The following EPHB2 variants were observed in gnomAD, a reference collection of about 807,000 sequenced individuals.
The protein encoded by EPHB2 is ephrin type-B receptor 2.
EPHB2 carries 18 observed loss-of-function variants against 96.4 expected under a neutral mutation model. The observed-to-expected ratio is 0.19, with a 90% CI of 0.13 to 0.28. The LOEUF (loss-of-function observed/expected upper bound fraction) is 0.28, where lower values mean the gene tolerates loss of function less well. EPHB2 is among the 10% of genes least tolerant of loss of function. EPHB2 has a pLI of 1.00. For missense variants in EPHB2, 989 were observed against 1,355.4 expected (o/e 0.73, Z 4.25); for synonymous variants, 506 against 534.1 (o/e 0.95, Z 0.72).
At chr1:22,899,869 T>C (rs1199339566) in intron 9 of EPHB2, among the ~76,000 whole-genome samples, 1 of 151,950 alleles carries the variant, frequency 6.6e-6, no homozygotes, top group Non-Finnish European at 1.5e-5. Flanking sequence ...GGCACACACC[T>C]GTAGTCCCAA....
intron 3 of EPHB2, among the ~76,000 whole-genome samples, chr1:22,849,318 C>A (rs189861012): frequency 1.3e-5 from 2 of 152,280 alleles, no homozygotes; most frequent in East Asian, 3.9e-4. Flanking sequence ...CAGCCCTTGT[C>A]CGTCTCCTTC....
chr1:22,853,374 G>C (rs1321324394), intron 3 of EPHB2, among the ~76,000 whole-genome samples: 1 of 152,204 alleles, frequency 6.6e-6, no homozygotes, highest in African/African-American at 2.4e-5. Context: ...CTCTCAGCCA[G>C]ACACTGGGGC....
intron 3 of EPHB2, among the ~76,000 whole-genome samples, chr1:22,821,873 G>T (rs1241611975): frequency 1.3e-5 from 2 of 152,138 alleles, no homozygotes; most frequent in Non-Finnish European, 2.9e-5. Flanking sequence ...GCTAGGGGTG[G>T]TTTTTGCTTA....
At position 22,913,936 on chromosome 1, in the gene EPHB2, C is replaced by A; in HGVS notation, c.*366C>A. 1 of 1,484,712 alleles carries A rather than the reference C, an allele frequency of 6.7e-7. No homozygotes were observed. Among genetic ancestry groups the A allele is most frequent in the Admixed American group, 2.6e-5 (1 of 38,528 alleles). 92.0% of individuals were successfully genotyped at this position (1,484,712 alleles called of 1,614,324 possible). On this transcript the variant is annotated 3_prime_UTR_variant, in exon 16 of 16. Coordinates refer to ENST00000374630, the MANE Select transcript of EPHB2 (RefSeq NM_017449.5). This position sits in a 1 kb window ranked among gnomAD's most constrained non-coding sequence, Gnocchi z 4.1. ...ACAAAAGCAGTTTCTCTCCAACTCCCTCTGGGAAGGTGACCTGGCCAGAGC... is the reference window on the plus strand; with the variant it reads ...ACAAAAGCAGTTTCTCTCCAACTCCATCTGGGAAGGTGACCTGGCCAGAGC...
intron 8 of EPHB2, 88 bp downstream of exon 8, chr1:22,895,668 A>T (rs936183249): frequency 2.4e-6 from 3 of 1,246,308 alleles, no homozygotes; most frequent in Non-Finnish European, 3.5e-6. Context: ...AGTGCTGGTG[A>T]ACCGAGGAGG....
At chr1:22,788,387 T>A (rs1644641619) in intron 3 of EPHB2, among the ~76,000 whole-genome samples, 1 of 152,158 alleles carries the variant, frequency 6.6e-6, no homozygotes, top group South Asian at 2.1e-4. Context: ...TGGGGTCCAG[T>A]CAGGGTGTGA....
At chr1:22,841,967 G>A (rs1031553527) in intron 3 of EPHB2, among the ~76,000 whole-genome samples, 1 of 152,202 alleles carries the variant, frequency 6.6e-6, no homozygotes, top group African/African-American at 2.4e-5. Context: ...ACAGAGGGCC[G>A]ATGCCAGGAG....
chr1:22,912,469 A>G lies in EPHB2; in HGVS notation c.2722A>G (p.Thr908Ala), dbSNP rs759593517. 6.2e-7 allele frequency: 1 copy of G among 1,613,960 alleles called. No homozygotes were observed. The highest frequency in any genetic ancestry group is 2.2e-5 in the East Asian group (1 of 44,844). Residue 908 changes from threonine (T) to alanine (A), a missense_variant, in exon 15 of 16, where the codon ACG (threonine) becomes GCG (alanine). Transcript: ENST00000374630. ...CATCAACCTGCCGCTGCTGGACCGC[A>G]CGATCCCCGACTACACCAGCTTTAA... ...SGINLPLLDR[T>A]IPDYTSFNTV... is the part of the protein sequence containing the mutation.
intron 1 of EPHB2, among the ~76,000 whole-genome samples, chr1:22,750,470 G>A (rs1163577169): frequency 6.6e-6 from 1 of 152,130 alleles, no homozygotes; most frequent in Non-Finnish European, 1.5e-5. Context: ...AGGCTCCAGG[G>A]GAACACGGAA....
chr1:22,806,167 A>G (rs965138200), intron 3 of EPHB2, among the ~76,000 whole-genome samples: 3 of 152,226 alleles, frequency 2.0e-5, no homozygotes, highest in African/African-American at 7.2e-5. Context: ...AAGAATGAAT[A>G]ATAGCCATTG....
chr1:22,756,149 C>T (rs1644146309), intron 1 of EPHB2, among the ~76,000 whole-genome samples: 2 of 151,942 alleles, frequency 1.3e-5, no homozygotes, highest in African/African-American at 2.4e-5. Flanking sequence ...CTGGAAGGGG[C>T]GGCTGGGGCT....
At chr1:22,904,697 T>A (rs1435785283) in intron 9 of EPHB2, among the ~76,000 whole-genome samples, 1 of 152,256 alleles carries the variant, frequency 6.6e-6, no homozygotes, top group African/African-American at 2.4e-5. Flanking sequence ...CATAGCTTAA[T>A]AACAGCCACA....
chr1:22,739,508 G>A lies in EPHB2; in HGVS notation c.61+28465G>A, dbSNP rs578033517. Among the ~76,000 whole-genome samples the A allele has an allele frequency of 3.1e-4, 47 of 152,308 alleles. 1 individual carries two copies. The highest frequency in any genetic ancestry group is 3.1e-3 in the Admixed American group (47 of 15,296). ...TGGGATTACAGACCTGAGCCACTGT[G>A]CCTGGCCTGTTTAGGGTTTTGGCTT... On this transcript the variant is annotated intron_variant, in intron 1 of 15. Coordinates refer to ENST00000374630, the MANE Select transcript of EPHB2 (RefSeq NM_017449.5).
intron 3 of EPHB2, among the ~76,000 whole-genome samples, chr1:22,854,809 G>C (rs887797677): frequency 1.4e-4 from 22 of 152,148 alleles, no homozygotes; most frequent in African/African-American, 5.3e-4. Flanking sequence ...GGAGGACCAG[G>C]CATCATGCCC....
At chr1:22,850,483 C>A (rs1037944897) in intron 3 of EPHB2, among the ~76,000 whole-genome samples, 5 of 152,252 alleles carry the variant, frequency 3.3e-5, no homozygotes, top group African/African-American at 1.2e-4. Flanking sequence ...CCTGTCAATA[C>A]AGCAGCCAGA....
intron 1 of EPHB2, among the ~76,000 whole-genome samples, chr1:22,762,407 C>T (rs1644247949): frequency 6.6e-6 from 1 of 152,200 alleles, no homozygotes; most frequent in Non-Finnish European, 1.5e-5. Flanking sequence ...AAGGTAGCCT[C>T]TTCTGGGGGC....
Position 22,916,152 on chromosome 1 carries a change from G to A in EPHB2, c.*2582G>A, listed in dbSNP as rs912664027. 4 of 152,290 alleles carry A rather than the reference G, an allele frequency of 2.6e-5. No individual in the cohort carries two copies. The highest frequency in any genetic ancestry group is 9.6e-5 in the African/African-American group (4 of 41,460). 9.4% of individuals were successfully genotyped at this position (152,290 alleles called of 1,614,324 possible). On this transcript the variant is annotated 3_prime_UTR_variant, in exon 16 of 16. Coordinates refer to ENST00000374630, the MANE Select transcript of EPHB2 (RefSeq NM_017449.5). This position sits in a 1 kb window ranked among gnomAD's most constrained non-coding sequence, Gnocchi z 4.2. ...AAGGTGCCCTGCGCGGGTGGCAGCT[G>A]TCTCGGCACACAAGGTCACCTTCTG...
At chr1:22,883,765 A>G (rs1343548417) in intron 6 of EPHB2, among the ~76,000 whole-genome samples, 2 of 152,086 alleles carry the variant, frequency 1.3e-5, no homozygotes, top group African/African-American at 4.8e-5. Context: ...CCGTCTTACC[A>G]TTGCTTGCGT....
At chr1:22,872,182 C>A (rs1473404080) in intron 5 of EPHB2, among the ~76,000 whole-genome samples, 1 of 152,126 alleles carries the variant, frequency 6.6e-6, no homozygotes, top group African/African-American at 2.4e-5. Flanking sequence ...TCTCCCCTTG[C>A]TGACCATCAG....
Sources: allele counts gnomAD v4.1 joint callset (sites outside exome capture counted in the v4.1 genomes callset), GRCh38; gene constraint gnomAD v4.1.1; non-coding constraint Gnocchi (gnomAD v3.1); transcripts MANE v1.5; gene names NCBI Gene and HGNC (gene_info 2026-07-23, HGNC 2026-07-21).